SORCS3: variants seen among roughly 807,000 people sequenced by gnomAD.
The protein encoded by SORCS3 is VPS10 domain-containing receptor SorCS3.
In SORCS3, 57 loss-of-function variants were observed where a neutral mutation model predicts 146.3. The ratio of observed to expected loss-of-function variants is 0.39; its 90% CI spans 0.31 to 0.49. The LOEUF is 0.49. SORCS3 is among the 20% of genes least tolerant of loss of function. The pLI is 0.92. For synonymous variants in SORCS3, 653 were observed against 618.5 expected, an observed-to-expected ratio of 1.06 and a Z score of -0.83; for missense variants, 1,341 against 1,575.5, an observed-to-expected ratio of 0.85 and a Z score of 2.52.
intron 18 of SORCS3, among the ~76,000 whole-genome samples, chr10:105,216,548 A>T (rs2056666157): frequency 2.0e-5 from 3 of 151,962 alleles, no homozygotes; most frequent in Non-Finnish European, 4.4e-5. Context: ...TGGCACTAAT[A>T]AAAAAAACCT....
intron 20 of SORCS3, among the ~76,000 whole-genome samples, chr10:105,225,996 G>A (rs1280981422): frequency 6.6e-6 from 1 of 151,818 alleles, no homozygotes; most frequent in Non-Finnish European, 1.5e-5. Context: ...ATATACATCA[G>A]CAACAGGGAA....
intron 14 of SORCS3, among the ~76,000 whole-genome samples, chr10:105,198,515 C>T (rs939909715): frequency 2.0e-5 from 3 of 152,062 alleles, no homozygotes; most frequent in Admixed American, 1.3e-4. Context: ...ATGGACTGAC[C>T]GCTATGTAAA....
At chr10:105,136,549 G>T (rs909278822) in intron 7 of SORCS3, among the ~76,000 whole-genome samples, 1 of 152,162 alleles carries the variant, frequency 6.6e-6, no homozygotes, top group African/African-American at 2.4e-5. Flanking sequence ...ATAATTATAG[G>T]AATGTGTGTG....
intron 1 of SORCS3, among the ~76,000 whole-genome samples, chr10:104,681,150 C>T (rs17184053): frequency 6.6e-6 from 1 of 152,306 alleles, no homozygotes; most frequent in South Asian, 2.1e-4. Flanking sequence ...TTATTTGCAG[C>T]GCAGGCATGG....
chr10:105,148,224 T>C (rs565653408), intron 9 of SORCS3, among the ~76,000 whole-genome samples: 13 of 152,138 alleles, frequency 8.5e-5, no homozygotes, highest in Admixed American at 6.6e-4. Flanking sequence ...ATGAACAAAT[T>C]TTATGGGAAA....
intron 1 of SORCS3, among the ~76,000 whole-genome samples, chr10:104,780,851 C>A (rs1050648509): frequency 6.6e-6 from 1 of 152,210 alleles, no homozygotes; most frequent in Non-Finnish European, 1.5e-5. Flanking sequence ...CAGAGAAAAT[C>A]TCTCCTGAGA....
At chr10:104,696,171 ATAAT>A (rs1470167569) in intron 1 of SORCS3, among the ~76,000 whole-genome samples, 1 of 121,636 alleles carries the variant, frequency 8.2e-6, no homozygotes, top group East Asian at 2.3e-4. Context: ...CATATAATAT[ATAAT>A]ATATATCATA....
chr10:104,794,502 TA>T, intron 1 of SORCS3, among the ~76,000 whole-genome samples: 1 of 151,608 alleles, frequency 6.6e-6, no homozygotes, highest in Non-Finnish European at 1.5e-5. Context: ...GAAGAAGAGC[TA>T]CAGTAATCCA....
At chr10:105,167,423 C>A in intron 13 of SORCS3, 74 bp downstream of exon 13, 2 of 1,111,544 alleles carry the variant, frequency 1.8e-6, no homozygotes, top group Non-Finnish European at 2.7e-6. Flanking sequence ...ATGAGTTATT[C>A]TGCATGGTTT....
intron 14 of SORCS3, among the ~76,000 whole-genome samples, chr10:105,195,508 A>G (rs1293650290): frequency 1.3e-5 from 2 of 152,144 alleles, no homozygotes. Flanking sequence ...GAGAAGAAAA[A>G]TATTTGAATT....
intron 19 of SORCS3, among the ~76,000 whole-genome samples, chr10:105,219,606 T>C (rs1207910751): frequency 6.6e-6 from 1 of 152,184 alleles, no homozygotes; most frequent in African/African-American, 2.4e-5. Context: ...TTCAGGTCCA[T>C]GTTATCTTTT....
intron 22 of SORCS3, among the ~76,000 whole-genome samples, chr10:105,248,480 G>A (rs967379828): frequency 3.9e-5 from 6 of 152,228 alleles, no homozygotes; most frequent in East Asian, 1.9e-4. Context: ...TTGGGAGGCC[G>A]AGGCGGGTGT....
At chr10:105,083,831 G>A (rs1294342621) in intron 5 of SORCS3, among the ~76,000 whole-genome samples, 1 of 152,178 alleles carries the variant, frequency 6.6e-6, no homozygotes, top group African/African-American at 2.4e-5. Context: ...CCTAAATGCT[G>A]CTTTAAAGGG....
At chr10:105,121,028 T>C (rs780509664) in intron 7 of SORCS3, among the ~76,000 whole-genome samples, 1 of 152,136 alleles carries the variant, frequency 6.6e-6, no homozygotes, top group Non-Finnish European at 1.5e-5. Context: ...TGAGTTCTGG[T>C]CAGGAAGGCA....
chr10:105,244,769 C>T (rs1031763513), intron 20 of SORCS3, among the ~76,000 whole-genome samples: 1 of 151,994 alleles, frequency 6.6e-6, no homozygotes, highest in Non-Finnish European at 1.5e-5. Context: ...ATTTTCTGCT[C>T]TATGAAAGGC....
intron 7 of SORCS3, among the ~76,000 whole-genome samples, chr10:105,126,336 G>A (rs1018774360): frequency 1.3e-5 from 2 of 151,982 alleles, no homozygotes; most frequent in East Asian, 1.9e-4. Context: ...CAACCTCTCC[G>A]GCTTGACTGG....
At chr10:105,035,311 T>C (rs142806412) in intron 4 of SORCS3, among the ~76,000 whole-genome samples, 1 of 152,340 alleles carries the variant, frequency 6.6e-6, no homozygotes, top group Admixed American at 6.5e-5. Context: ...GTGTTTAAGA[T>C]CAAGTCTCCA....
At chr10:105,092,391 C>T (rs1364266211) in intron 6 of SORCS3, among the ~76,000 whole-genome samples, 1 of 151,946 alleles carries the variant, frequency 6.6e-6, no homozygotes, top group Admixed American at 6.6e-5. Flanking sequence ...ATTATAAATC[C>T]TCCACTGGAA....
intron 5 of SORCS3, among the ~76,000 whole-genome samples, chr10:105,059,356 C>T (rs553710989): frequency 6.6e-6 from 1 of 152,268 alleles, no homozygotes; most frequent in East Asian, 1.9e-4. Context: ...TTGCAGGCTG[C>T]AAAGAATCTT....
Sources: allele counts gnomAD v4.1 joint callset (sites outside exome capture counted in the v4.1 genomes callset), GRCh38; gene constraint gnomAD v4.1.1; transcripts MANE v1.5; gene names NCBI Gene and HGNC (gene_info 2026-07-23, HGNC 2026-07-21).